MYZAP: variants seen among roughly 807,000 people sequenced by gnomAD.
MYZAP encodes the protein myocardial zonula adherens protein.
Under a neutral mutation model 69.4 loss-of-function variants are expected in MYZAP, and 66 were observed. That is an observed-to-expected ratio of 0.95 (90% CI 0.78 to 1.17). MYZAP has a LOEUF of 1.17. Among genes scored for constraint, MYZAP ranks in the 50% most tolerant of loss-of-function variants. MYZAP has a pLI of 0.00. For missense variants in MYZAP, 611 were observed against 556.2 expected, an observed-to-expected ratio of 1.10 and a Z score of -0.99; for synonymous variants, 256 against 205.9, an observed-to-expected ratio of 1.24 and a Z score of -2.09.
chr15:57,659,577 G>C (rs1260517919), intron 10 of MYZAP, among the ~76,000 whole-genome samples: 3 of 152,086 alleles, frequency 2.0e-5, no homozygotes, highest in African/African-American at 7.2e-5. Context: ...CAGTGTTACT[G>C]CTAACAATCT....
In MYZAP at chr15:57,625,873, C is replaced by T. The variant is rs758836397; in HGVS notation, c.506C>T (p.Ser169Leu). ...RFNAMNSALA[S>L]DSIGLQKTLV... ...AATGCCATGAACTCAGCCTTGGCAT[C>T]AGATTCCATTGGCCTGCAGGTACTC... Residue 169 changes from serine (S) to leucine (L), a missense_variant, in exon 5 of 13, where the codon TCA becomes TTA. Physicochemically the swap from Ser to Leu is moderately radical, Grantham distance 145 (BLOSUM62 -2). Transcript: ENST00000267853. The T allele has an allele frequency of 6.2e-7, 1 of 1,614,150 alleles. No individual in the cohort carries two copies. The highest frequency in any genetic ancestry group is 1.7e-5 in the Admixed American group (1 of 60,018).
intron 1 of MYZAP, among the ~76,000 whole-genome samples, chr15:57,598,955 T>A (rs2034237658): frequency 6.6e-6 from 1 of 152,196 alleles, no homozygotes; most frequent in Non-Finnish European, 1.5e-5. Context: ...TGAGGGACTT[T>A]CCCATATATT....
intron 10 of MYZAP, among the ~76,000 whole-genome samples, chr15:57,643,621 A>G (rs2140479779): frequency 6.6e-6 from 1 of 152,328 alleles, no homozygotes; most frequent in African/African-American, 2.4e-5. Context: ...CCAAGGGGAA[A>G]GTGATCTTAA....
At chr15:57,623,720 G>A (rs2035956370) in intron 4 of MYZAP, among the ~76,000 whole-genome samples, 1 of 141,730 alleles carries the variant, frequency 7.1e-6, no homozygotes, top group East Asian at 2.1e-4. Context: ...GTGACAGAGT[G>A]AGACCCTGTT....
chr15:57,616,402 G>A (rs952503910), intron 2 of MYZAP, among the ~76,000 whole-genome samples: 1 of 152,182 alleles, frequency 6.6e-6, no homozygotes, highest in Non-Finnish European at 1.5e-5. Context: ...CACTTTGGGG[G>A]GCCGAGGTGG....
intron 2 of MYZAP, among the ~76,000 whole-genome samples, chr15:57,613,730 A>G (rs2035257179): frequency 6.6e-6 from 1 of 152,116 alleles, no homozygotes; most frequent in South Asian, 2.1e-4. Context: ...ATGAGACTGG[A>G]TCATGTAATG....
At chr15:57,634,296 G>A (rs67536281) in intron 8 of MYZAP, among the ~76,000 whole-genome samples, 6,689 of 152,192 alleles carry the variant, frequency 0.044, 199 homozygotes, top group African/African-American at 0.083. Context: ...AGGGGAGGAA[G>A]TGGTGGGAGA....
intron 10 of MYZAP, among the ~76,000 whole-genome samples, chr15:57,651,815 TG>T (rs1176622192): frequency 6.6e-6 from 1 of 152,182 alleles, no homozygotes; most frequent in African/African-American, 2.4e-5. Flanking sequence ...GTGCTCAGAT[TG>T]GGAAGCAGTT....
intron 10 of MYZAP, among the ~76,000 whole-genome samples, chr15:57,660,541 C>T (rs867175294): frequency 2.0e-5 from 3 of 152,236 alleles, no homozygotes; most frequent in African/African-American, 4.8e-5. Flanking sequence ...TCTTGAACTC[C>T]TAGGCTCAAG....
chr15:57,663,631 C>A (rs1396322056), intron 11 of MYZAP, among the ~76,000 whole-genome samples: 3 of 152,170 alleles, frequency 2.0e-5, no homozygotes, highest in Admixed American at 6.5e-5. Context: ...TTAGCTGAGG[C>A]CTGCTCTGGG....
chr15:57,675,571 G>A (rs1178281671), intron 12 of MYZAP, among the ~76,000 whole-genome samples: 2 of 152,158 alleles, frequency 1.3e-5, no homozygotes, highest in Admixed American at 6.5e-5. Flanking sequence ...CTGTAACAGG[G>A]TATTGTCAAG....
chr15:57,642,653 A>G (rs1174722283), intron 10 of MYZAP, among the ~76,000 whole-genome samples: 1 of 152,170 alleles, frequency 6.6e-6, no homozygotes, highest in Non-Finnish European at 1.5e-5. Context: ...GTTTTTTTAA[A>G]TGATGGGCTT....
In MYZAP at chr15:57,685,326, A is replaced by G. The variant is rs1299002619; in HGVS notation, c.*828A>G. 1 of 152,156 alleles carries G rather than the reference A, an allele frequency of 6.6e-6. No individual in the cohort carries two copies. The highest frequency in any genetic ancestry group is 1.5e-5 in the Non-Finnish European group (1 of 68,040). The allele number at this position is 152,156 out of a possible 1,614,324, so 9.4% of individuals were successfully genotyped here. On this transcript the variant is annotated 3_prime_UTR_variant, in exon 13 of 13. Coordinates refer to ENST00000267853, the MANE Select transcript of MYZAP (RefSeq NM_001018100.5). Reference sequence around the variant, plus strand: ...CTACTTTGATATTATAACCTATGTCACATGTGTTTAATAAATACCATATAT... The same window carrying G: ...CTACTTTGATATTATAACCTATGTCGCATGTGTTTAATAAATACCATATAT...
Position 57,684,600 on chromosome 15 carries a change from G to A in MYZAP, c.*102G>A, listed in dbSNP as rs1282690545. 1 of 740,340 alleles carries A rather than the reference G, an allele frequency of 1.4e-6. No individual in the cohort carries two copies. Among genetic ancestry groups the A allele is most frequent in the Non-Finnish European group, 2.3e-6 (1 of 438,250 alleles). The allele number at this position is 740,340 out of a possible 1,614,324, so 45.9% of individuals were successfully genotyped here. The stretch of plus-strand genomic sequence containing the variant: ...GACTGTTGTTTCCCCTACACACAGT[G>A]TAAGCCGGAATGGGAATCGCTGAGG... On this transcript the variant is annotated 3_prime_UTR_variant, in exon 13 of 13. Coordinates refer to ENST00000267853, the MANE Select transcript of MYZAP (RefSeq NM_001018100.5).
chr15:57,682,658 C>T (rs2140678939), intron 12 of MYZAP, among the ~76,000 whole-genome samples: 2 of 152,288 alleles, frequency 1.3e-5, no homozygotes, highest in Middle Eastern at 3.4e-3. Context: ...TCCCTGTCCC[C>T]TTCTGAACTC....
chr15:57,638,952 A>C (rs1019862466), intron 9 of MYZAP, among the ~76,000 whole-genome samples: 2 of 152,212 alleles, frequency 1.3e-5, no homozygotes, highest in African/African-American at 4.8e-5. Context: ...CAAAAAAATT[A>C]TCTCTCAGCC....
At chr15:57,675,126 A>G in intron 12 of MYZAP, 58 bp downstream of exon 12, 3 of 1,434,510 alleles carry the variant, frequency 2.1e-6, no homozygotes, top group Non-Finnish European at 2.9e-6. Flanking sequence ...GCTGAAGAAA[A>G]TACTTTACTA....
At chr15:57,595,858 C>T (rs1280547595) in intron 1 of MYZAP, among the ~76,000 whole-genome samples, 6 of 152,176 alleles carry the variant, frequency 3.9e-5, no homozygotes, top group African/African-American at 1.4e-4. Context: ...CTCTGTTAAA[C>T]ACTGGAATGG....
chr15:57,592,004 C>T lies in MYZAP; in HGVS notation c.-31C>T, dbSNP rs1370467771. On this transcript the variant is annotated 5_prime_UTR_variant, in exon 1 of 13. Coordinates refer to ENST00000267853, the MANE Select transcript of MYZAP (RefSeq NM_001018100.5). ...TTATTCTGCCCGGGAGGAACGCCGG[C>T]GTCCAGCCCGCTACCGACCGCCGCT... The T allele has an allele frequency of 2.1e-6, 3 of 1,418,724 alleles. No homozygotes were observed. Among genetic ancestry groups the T allele is most frequent in the African/African-American group, 3.0e-5 (2 of 66,992 alleles). The allele number at this position is 1,418,724 out of a possible 1,614,324, so 87.9% of individuals were successfully genotyped here.
Sources: gnomAD v4.1 joint callset for allele counts (sites outside exome capture counted in the v4.1 genomes callset) on GRCh38, gnomAD v4.1.1 for gene constraint, MANE v1.5 for transcripts, NCBI Gene and HGNC (gene_info 2026-07-23, HGNC 2026-07-21) for gene names.